The following HMBOX1 variants were observed in gnomAD, a reference collection of about 807,000 sequenced individuals.
HMBOX1 encodes homeobox containing 1.
In HMBOX1, 14 loss-of-function variants were observed where a neutral mutation model predicts 54.5. The observed-to-expected ratio is 0.26, with a 90% confidence interval of 0.17 to 0.40. HMBOX1 has a LOEUF of 0.40. Among genes scored for constraint, HMBOX1 ranks in the 10% least tolerant of loss-of-function variants. The pLI is 1.00. For missense variants in HMBOX1, 332 were observed against 514.4 expected (o/e 0.65, Z 3.43); for synonymous variants, 160 against 181.0 (o/e 0.88, Z 0.93).
Position 29,052,653 on chromosome 8 carries a change from T to C in HMBOX1, c.*1498T>C, listed in dbSNP as rs775333200. The stretch of plus-strand genomic sequence containing the variant: ...TGAACTATTCATGCATCAAAGAAAA[T>C]TACATCTGCTGGCCTTGTATGAAAA... On this transcript the variant is annotated 3_prime_UTR_variant, in exon 10 of 10. Transcript: ENST00000287701. 6.6e-6 allele frequency: 1 copy of C among 152,092 alleles called. No homozygotes were observed. Among genetic ancestry groups the C allele is most frequent in the Non-Finnish European group, 1.5e-5 (1 of 68,012 alleles). The allele number at this position is 152,092 out of a possible 1,614,324, so 9.4% of individuals were successfully genotyped here.
chr8:28,915,060 C>A (rs1423696547), intron 1 of HMBOX1, among the ~76,000 whole-genome samples: 1 of 152,084 alleles, frequency 6.6e-6, no homozygotes, highest in Non-Finnish European at 1.5e-5. Flanking sequence ...AGACTTCTGG[C>A]AAAAATTGAT....
rs901151433 is a variant in HMBOX1, at chr8:29,050,952, A to G, written c.1126-66A>G. On this transcript the variant is annotated intron_variant, in intron 9 of 9. Transcript: ENST00000287701. ...ATGTTCTGCCTCCCCTTGCCCCAGC[A>G]TGTCTCTCTGTGACTAAAGAATTCT... 32 of 1,531,852 alleles carry G rather than the reference A, an allele frequency of 2.1e-5. No individual in the cohort carries two copies. In the East Asian group the frequency reaches 6.8e-4, roughly 32 times the overall value. 94.9% of individuals were successfully genotyped at this position (1,531,852 alleles called of 1,614,324 possible). A position where few individuals can be genotyped will look rare whatever the true frequency, so the allele number is the denominator to read the frequency against.
chr8:28,961,270 T>A (rs1426619972), intron 1 of HMBOX1, among the ~76,000 whole-genome samples: 1 of 152,198 alleles, frequency 6.6e-6, no homozygotes, highest in East Asian at 1.9e-4. Context: ...TTCAGTGGCA[T>A]TAAATACATA....
chr8:29,037,837 C>T (rs1256032631), intron 6 of HMBOX1, among the ~76,000 whole-genome samples: 1 of 152,016 alleles, frequency 6.6e-6, no homozygotes, highest in African/African-American at 2.4e-5. Flanking sequence ...GGTTTTTTTC[C>T]TTCTTCTGAA....
At chr8:28,964,451 A>C (rs1429745272) in intron 2 of HMBOX1, among the ~76,000 whole-genome samples, 1 of 152,230 alleles carries the variant, frequency 6.6e-6, no homozygotes, top group Non-Finnish European at 1.5e-5. Flanking sequence ...TTGTGCTAGG[A>C]TATGAACTAT....
chr8:28,991,874 T>C (rs1184602461), intron 4 of HMBOX1, among the ~76,000 whole-genome samples: 1 of 152,168 alleles, frequency 6.6e-6, no homozygotes, highest in Non-Finnish European at 1.5e-5. Context: ...TAACCTTCTT[T>C]TTTTAGGGTT....
intron 5 of HMBOX1, among the ~76,000 whole-genome samples, chr8:29,017,865 T>G (rs1800564339): frequency 6.6e-6 from 1 of 152,228 alleles, no homozygotes; most frequent in South Asian, 2.1e-4. Flanking sequence ...AAGAAATAAA[T>G]ATTAATATCA....
chr8:28,926,555 AT>A (rs910833715), intron 1 of HMBOX1, among the ~76,000 whole-genome samples: 1 of 151,838 alleles, frequency 6.6e-6, no homozygotes, highest in African/African-American at 2.4e-5. Context: ...AGCTTTTTAA[AT>A]TTTTTTCTTT....
At chr8:29,041,028 A>AAT (rs2133302372) in intron 6 of HMBOX1, among the ~76,000 whole-genome samples, 1 of 152,300 alleles carries the variant, frequency 6.6e-6, no homozygotes, top group South Asian at 2.1e-4. Context: ...TCCAAACATA[A>AAT]ATAGTTACAG....
chr8:28,890,171 A>T, upstream of HMBOX1: 1 of 464,424 alleles, frequency 2.2e-6, no homozygotes, highest in Non-Finnish European at 4.0e-6. Flanking sequence ...GCATGATATC[A>T]TGTCTTCCTT....
intron 9 of HMBOX1, chr8:29,049,462 C>G (rs1806111828): frequency 6.7e-7 from 1 of 1,488,436 alleles, no homozygotes; most frequent in Non-Finnish European, 8.9e-7. Flanking sequence ...GACCCCATGC[C>G]TAAACACGTA....
intron 1 of HMBOX1, among the ~76,000 whole-genome samples, chr8:28,900,291 T>TATATATATATATATATATATA (rs1554519282): frequency 7.0e-6 from 1 of 143,668 alleles, no homozygotes; most frequent in Non-Finnish European, 1.5e-5. Flanking sequence ...TATATATATA[T>TATATATATATATATATATATA]TTTGTTTCCT....
chr8:28,981,085 G>A (rs562317144), intron 4 of HMBOX1, among the ~76,000 whole-genome samples: 36 of 152,226 alleles, frequency 2.4e-4, no homozygotes, highest in African/African-American at 8.2e-4. Flanking sequence ...CTGTTCTCCA[G>A]ACCATGATAC....
At chr8:28,954,693 A>G (rs1329101589) in intron 1 of HMBOX1, among the ~76,000 whole-genome samples, 2 of 152,198 alleles carry the variant, frequency 1.3e-5, no homozygotes, top group Non-Finnish European at 2.9e-5. Context: ...TAAAATGTAT[A>G]TACTCTGTCA....
At chr8:29,026,898 A>G (rs1394780781) in intron 6 of HMBOX1, among the ~76,000 whole-genome samples, 2 of 152,232 alleles carry the variant, frequency 1.3e-5, no homozygotes, top group Non-Finnish European at 2.9e-5. Context: ...TATGGGGATT[A>G]TAACAGGGAA....
At chr8:28,981,772 A>G (rs1829374134) in intron 4 of HMBOX1, among the ~76,000 whole-genome samples, 1 of 152,236 alleles carries the variant, frequency 6.6e-6, no homozygotes, top group Admixed American at 6.5e-5. Context: ...TTTCTTGAGC[A>G]TATCTAAAGG....
intron 1 of HMBOX1, among the ~76,000 whole-genome samples, chr8:28,904,075 G>A (rs1813780460): frequency 6.6e-6 from 1 of 152,010 alleles, no homozygotes; most frequent in Admixed American, 6.6e-5. Flanking sequence ...TAGGGCCAAC[G>A]CCTTTTCTTT....
intron 6 of HMBOX1, among the ~76,000 whole-genome samples, chr8:29,044,645 A>G (rs965848220): frequency 2.0e-5 from 3 of 152,184 alleles, no homozygotes; most frequent in Non-Finnish European, 4.4e-5. Context: ...ACGTACACAT[A>G]GGAATTTTTA....
intron 6 of HMBOX1, among the ~76,000 whole-genome samples, chr8:29,044,053 T>A (rs1000270645): frequency 6.6e-6 from 1 of 151,984 alleles, no homozygotes; most frequent in African/African-American, 2.4e-5. Context: ...CAGGACTGCA[T>A]CAGATGAGGT....
Sources: gnomAD v4.1 joint callset for allele counts (sites outside exome capture counted in the v4.1 genomes callset) on GRCh38, gnomAD v4.1.1 for gene constraint, MANE v1.5 for transcripts, NCBI Gene and HGNC (gene_info 2026-07-23, HGNC 2026-07-21) for gene names.